EOGT: variants seen among roughly 807,000 people sequenced by gnomAD.
EOGT encodes the protein EGF domain-specific O-linked N-acetylglucosamine transferase.
Under a neutral mutation model 70.5 loss-of-function variants are expected in EOGT, and 55 were observed. That is an observed-to-expected ratio of 0.78 (90% CI 0.63 to 0.98). The LOEUF is 0.98. Ranked by LOEUF, EOGT falls within the 50% of genes least tolerant of loss-of-function variation. The pLI is 0.00. For synonymous variants in EOGT, 246 were observed against 217.1 expected (o/e 1.13, Z -1.17); for missense variants, 703 against 641.9 (o/e 1.10, Z -1.03).
intron 3 of EOGT, 149 bp from the exon 4 acceptor site, chr3:69,010,009 C>G (rs1389557764): frequency 1.5e-6 from 1 of 655,622 alleles, no homozygotes; most frequent in Non-Finnish European, 2.6e-6. Context: ...GAATAATGAT[C>G]CTTTATTCAA....
At chr3:68,979,226 G>C (rs374109180) in intron 16 of EOGT, among the ~76,000 whole-genome samples, 1 of 152,182 alleles carries the variant, frequency 6.6e-6, no homozygotes, top group Admixed American at 6.5e-5. Flanking sequence ...GGCAAATCAT[G>C]AACACCCAAG....
chr3:68,977,564 G>C lies in EOGT; in HGVS notation c.*54C>G. On this transcript the variant is annotated 3_prime_UTR_variant, in exon 18 of 18. Coordinates refer to ENST00000383701, the MANE Select transcript of EOGT (RefSeq NM_001278689.2). ...GATTGCTTTACTGATTTAATTCTAAGTCTGGGTGTTGGAGTGTTTAAACAC... is the reference window on the plus strand; with the variant it reads ...GATTGCTTTACTGATTTAATTCTAACTCTGGGTGTTGGAGTGTTTAAACAC... 6.4e-7 allele frequency: 1 copy of C among 1,570,752 alleles called. No individual in the cohort carries two copies. The highest frequency in any genetic ancestry group is 8.7e-7 in the Non-Finnish European group (1 of 1,150,318).
intron 10 of EOGT, among the ~76,000 whole-genome samples, chr3:68,992,035 T>A (rs577447909): frequency 6.6e-5 from 10 of 152,166 alleles, no homozygotes; most frequent in Non-Finnish European, 1.5e-4. Flanking sequence ...TCCCATAAGA[T>A]GTGGGAATTC....
chr3:68,995,394 G>A (rs2091115428), intron 10 of EOGT, among the ~76,000 whole-genome samples: 2 of 152,300 alleles, frequency 1.3e-5, no homozygotes, highest in Non-Finnish European at 2.9e-5. Context: ...GGTTTAAAAT[G>A]GATGCACATG....
intron 7 of EOGT, among the ~76,000 whole-genome samples, chr3:69,004,714 C>A (rs552282781): frequency 1.3e-5 from 2 of 152,186 alleles, no homozygotes; most frequent in South Asian, 2.1e-4. Context: ...TCTGAGTCAT[C>A]CATCCCCCCA....
At position 68,996,944 on chromosome 3, in the gene EOGT, G is replaced by C. The variant is rs557627472; in HGVS notation, c.831+1067C>G. Among the ~76,000 whole-genome samples, 3 of 152,308 alleles carry C rather than the reference G, an allele frequency of 2.0e-5. No individual in the cohort carries two copies. In the East Asian group the frequency reaches 5.8e-4, roughly 29 times the overall value. ...AGTTAACATTCAGAGCACAAGTACT[G>C]TGTACCAGGCATGGTGACTGTTCAC... On this transcript the variant is annotated intron_variant, in intron 10 of 17. Coordinates refer to ENST00000383701, the MANE Select transcript of EOGT (RefSeq NM_001278689.2).
Position 69,009,878 on chromosome 3 carries a change from G to C in EOGT, c.-14-18C>G. Reference sequence around the variant, plus strand: ...CTGCAAACCTAGAGATCAAAATGAAGACAACTTTGTTAACAAATTTCCTTT... The same window carrying C: ...CTGCAAACCTAGAGATCAAAATGAACACAACTTTGTTAACAAATTTCCTTT... On this transcript the variant is annotated intron_variant, in intron 3 of 17. Transcript: ENST00000383701. 3 of 1,367,152 alleles carry C rather than the reference G, an allele frequency of 2.2e-6. No homozygotes were observed. The allele number at this position is 1,367,152 out of a possible 1,614,324, so 84.7% of individuals were successfully genotyped here.
intron 7 of EOGT, among the ~76,000 whole-genome samples, chr3:69,004,932 G>A (rs888617694): frequency 2.0e-5 from 3 of 151,764 alleles, no homozygotes; most frequent in Non-Finnish European, 2.9e-5. Context: ...GCCTGGCGGT[G>A]CGCTTCTGTA....
chr3:69,013,211 G>A (rs534764055), intron 1 of EOGT, among the ~76,000 whole-genome samples: 3 of 151,994 alleles, frequency 2.0e-5, no homozygotes, highest in African/African-American at 4.8e-5. Context: ...GTGATCTCCC[G>A]GGGCCGCCCG....
At chr3:68,989,679 C>T (rs926244131) in intron 10 of EOGT, among the ~76,000 whole-genome samples, 1 of 135,188 alleles carries the variant, frequency 7.4e-6, no homozygotes, top group Non-Finnish European at 1.5e-5. Context: ...ACCTGGGAGG[C>T]GGGGGTTGCA....
At position 68,998,023 on chromosome 3, in the gene EOGT, C is replaced by A. The variant is rs369286205; in HGVS notation, c.819G>T (p.Val273=). The A allele has an allele frequency of 1.3e-6, 2 of 1,551,668 alleles. No individual in the cohort carries two copies. Among genetic ancestry groups the A allele is most frequent in the South Asian group, 2.4e-5 (2 of 83,462 alleles). The part of the protein sequence containing the change: ...NNSFSTDVYI[V]MWDTSSYGYG... ...CATTCTTACTTACGGTGTCCCACAT[C>A]ACGATGTACACGTCAGTACTGAATG... is the stretch of plus-strand genomic sequence containing the variant. The change falls in exon 10 of 18, where the codon GTG becomes GTT. Residue 273 remains valine, a synonymous_variant. Coordinates refer to ENST00000383701, the MANE Select transcript of EOGT (RefSeq NM_001278689.2).
In EOGT at chr3:68,975,585, G is replaced by A. The variant is rs1185834801; in HGVS notation, c.*2033C>T. On this transcript the variant is annotated 3_prime_UTR_variant, in exon 18 of 18. Coordinates refer to ENST00000383701, the MANE Select transcript of EOGT (RefSeq NM_001278689.2). Reference sequence around the variant, plus strand: ...AGTCAATGCCTTGCTGATGCAAAGCGCAACATGCTTTTGTCATCCCTTTCA... The same window carrying A: ...AGTCAATGCCTTGCTGATGCAAAGCACAACATGCTTTTGTCATCCCTTTCA... 3 of 152,470 alleles carry A rather than the reference G, an allele frequency of 2.0e-5. No individual in the cohort carries two copies. Among genetic ancestry groups the A allele is most frequent in the East Asian group, 1.9e-4 (1 of 5,186 alleles). The allele number at this position is 152,470 out of a possible 1,614,324, so 9.4% of individuals were successfully genotyped here.
At chr3:68,993,850 G>GA (rs2091066759) in intron 10 of EOGT, among the ~76,000 whole-genome samples, 1 of 152,226 alleles carries the variant, frequency 6.6e-6, no homozygotes, top group Non-Finnish European at 1.5e-5. Flanking sequence ...AGCAAAAGTG[G>GA]AAACCCTAGA....
chr3:68,998,011 G>A lies in EOGT; in HGVS notation c.831C>T (p.Thr277=), dbSNP rs754834319. The change falls in exon 10 of 18, where the codon ACC becomes ACT. Residue 277 remains threonine, a splice_region_variant and synonymous_variant. Transcript: ENST00000383701. ...AAGCGGAGAGCACATTCTTACTTACGGTGTCCCACATCACGATGTACACGT... is the reference window on the plus strand; with the variant it reads ...AAGCGGAGAGCACATTCTTACTTACAGTGTCCCACATCACGATGTACACGT... ...STDVYIVMWD[T]SSYGYGDLFS... 8 of 1,504,570 alleles carry A rather than the reference G, an allele frequency of 5.3e-6. No individual in the cohort carries two copies. Among genetic ancestry groups the A allele is most frequent in the South Asian group, 2.4e-5 (2 of 81,900 alleles). 93.2% of individuals were successfully genotyped at this position (1,504,570 alleles called of 1,614,324 possible).
At chr3:68,996,690 A>G (rs146801759) in intron 10 of EOGT, among the ~76,000 whole-genome samples, 2 of 152,326 alleles carry the variant, frequency 1.3e-5, no homozygotes, top group East Asian at 3.9e-4. Context: ...GTGAACTGCT[A>G]GCACTCCCTC....
chr3:69,007,495 T>C (rs1282426837), intron 6 of EOGT, among the ~76,000 whole-genome samples: 1 of 45,598 alleles, frequency 2.2e-5, no homozygotes, highest in Admixed American at 3.2e-4. Context: ...TTACTAAAAA[T>C]ATAAAAATTA....
rs563715895 is a variant in EOGT at position 68,978,957 on chromosome 3, T to G, written c.1335-522A>C. On this transcript the variant is annotated intron_variant, in intron 16 of 17. Coordinates refer to ENST00000383701, the MANE Select transcript of EOGT (RefSeq NM_001278689.2). ...ATTTCTCTACATATATCATATATAT[T>G]TTTGAAATGTTTTGCAGGGCATTGG... 1.5e-4 allele frequency among the ~76,000 whole-genome samples: 23 copies of G among 152,332 alleles called. No individual in the cohort carries two copies. In the East Asian group the frequency reaches 3.9e-3, roughly 26 times the overall value.
chr3:68,994,180 C>A (rs540761721), intron 10 of EOGT, among the ~76,000 whole-genome samples: 1 of 152,154 alleles, frequency 6.6e-6, no homozygotes, highest in South Asian at 2.1e-4. Context: ...ATATATAACA[C>A]ATATATGGAA....
At chr3:68,992,077 G>A (rs1405894045) in intron 10 of EOGT, among the ~76,000 whole-genome samples, 1 of 152,008 alleles carries the variant, frequency 6.6e-6, no homozygotes, top group East Asian at 1.9e-4. Flanking sequence ...AAATTTGGTG[G>A]GGACACAGCC....
Sources: gnomAD v4.1 joint callset for allele counts (sites outside exome capture counted in the v4.1 genomes callset) on GRCh38, gnomAD v4.1.1 for gene constraint, MANE v1.5 for transcripts, NCBI Gene and HGNC (gene_info 2026-07-23, HGNC 2026-07-21) for gene names.